Variants in STARD10 observed in about 807,000 individuals in gnomAD.
The protein encoded by STARD10 is StAR related lipid transfer domain containing 10, also known as START domain-containing protein 10.
STARD10 carries 24 observed loss-of-function variants against 36.0 expected under a neutral mutation model. That is an observed-to-expected ratio of 0.67 (90% CI 0.48 to 0.94). STARD10 has a LOEUF of 0.94. Ranked by LOEUF, STARD10 falls within the 40% of genes least tolerant of loss-of-function variation. STARD10 has a pLI of 0.00. For synonymous variants in STARD10, 156 were observed against 161.9 expected, an observed-to-expected ratio of 0.96 and a Z score of 0.28; for missense variants, 335 against 396.6, an observed-to-expected ratio of 0.84 and a Z score of 1.32.
In STARD10 at chr11:72,756,380, T is replaced by TTCAC. The variant is rs371400534; in HGVS notation, c.578-631_578-628dup. Among the ~76,000 whole-genome samples, 260 of 152,072 alleles carry TTCAC rather than the reference T, an allele frequency of 1.7e-3. 1 individual carries two copies. Among genetic ancestry groups the TTCAC allele is most frequent in the African/African-American group, 5.4e-3 (224 of 41,464 alleles). ...TCAAGGCTTCCCCATCCTCTAGTCA[T>TTCAC]TCACTCACTCACTCACTCACTCACT... On this transcript the variant is annotated intron_variant, in intron 5 of 6. Coordinates refer to ENST00000334805, the MANE Select transcript of STARD10 (RefSeq NM_006645.3).
At chr11:72,766,022 G>A (rs1035138752) in intron 2 of STARD10, 9 of 152,044 alleles carry the variant, frequency 5.9e-5, no homozygotes, top group African/African-American at 2.2e-4. Flanking sequence ...CAAATGTAGT[G>A]AGTGATCTCA....
In STARD10 at chr11:72,764,474, T is replaced by C. The variant is rs4944009; in HGVS notation, c.208-5093A>G. Among the ~76,000 whole-genome samples the C allele has an allele frequency of 6.1e-3, 923 of 152,130 alleles. 25 individuals are homozygous for C. Among genetic ancestry groups the C allele is most frequent in the East Asian group, 0.045 (235 of 5,174 alleles). ...TGGAGGAAGGCCTCTGCCCAGAGAG[T>C]AAGAACCTTTGCTGTGGCAGCGCAG... On this transcript the variant is annotated intron_variant, in intron 2 of 6. Coordinates refer to ENST00000334805, the MANE Select transcript of STARD10 (RefSeq NM_006645.3).
chr11:72,785,548 G>GA (rs1252101888), intron 1 of STARD10, among the ~76,000 whole-genome samples: 1 of 140,332 alleles, frequency 7.1e-6, no homozygotes, highest in Non-Finnish European at 1.5e-5. Flanking sequence ...GTGACAGGGC[G>GA]AGGCTCTGTC....
chr11:72,757,800 C>T lies in STARD10; in HGVS notation c.544G>A (p.Val182Ile), dbSNP rs578098555. 139 of 1,614,172 alleles carry T rather than the reference C, an allele frequency of 8.6e-5. 1 individual carries two copies. The South Asian group carries it at 1.2e-3, about 14-fold the overall frequency. Reference sequence around the variant, plus strand: ...TCCACCTGGGCCAGGTAGGTGATGACGCAGCTCTTGGGCCCTGTGCTCTGG... The same window carrying T: ...TCCACCTGGGCCAGGTAGGTGATGATGCAGCTCTTGGGCCCTGTGCTCTGG... ...LIQSTGPKSC[V>I]ITYLAQVDPK... is the part of the protein sequence containing the mutation. The change falls in exon 5 of 7, where the codon GTC becomes ATC. Residue 182 changes from valine (V) to isoleucine (I), a missense_variant. Transcript: ENST00000334805.
chr11:72,763,721 C>T (rs144609901), intron 2 of STARD10, among the ~76,000 whole-genome samples: 2 of 152,214 alleles, frequency 1.3e-5, no homozygotes, highest in East Asian at 3.9e-4. Context: ...GGGAGGAACG[C>T]GATGGTGAGA....
chr11:72,786,382 C>A (rs1258417275), intron 1 of STARD10, among the ~76,000 whole-genome samples: 1 of 152,022 alleles, frequency 6.6e-6, no homozygotes, highest in African/African-American at 2.4e-5. Flanking sequence ...AAAAAAGGTT[C>A]AGCACCAAGA....
rs554196958 is a variant in STARD10, at chr11:72,774,759, C to T, written c.207+6216G>A. Among the ~76,000 whole-genome samples the T allele has an allele frequency of 2.0e-5, 3 of 152,352 alleles. No individual in the cohort carries two copies. In the South Asian group the frequency reaches 6.2e-4, roughly 32 times the overall value. On this transcript the variant is annotated intron_variant, in intron 2 of 6. Coordinates refer to ENST00000334805, the MANE Select transcript of STARD10 (RefSeq NM_006645.3). ...GCTCCTCGGGAACAAACTGGAACAGCCCCGCAGAGGCCCCGGAGCCCCACA... is the reference window on the plus strand; with the variant it reads ...GCTCCTCGGGAACAAACTGGAACAGTCCCGCAGAGGCCCCGGAGCCCCACA...
chr11:72,793,951 C>A lies in STARD10; in HGVS notation c.-1190G>T, dbSNP rs1212587165. The A allele has an allele frequency of 1.3e-5, 2 of 152,240 alleles. No homozygotes were observed. The highest frequency in any genetic ancestry group is 4.8e-5 in the African/African-American group (2 of 41,462). 9.4% of individuals were successfully genotyped at this position (152,240 alleles called of 1,614,324 possible). A position where few individuals can be genotyped will look rare whatever the true frequency, so the allele number is the denominator to read the frequency against. On this transcript the variant is annotated 5_prime_UTR_variant, in exon 1 of 7. Transcript: ENST00000334805. ...TGAGGAGAGGCAGGAGAAAATACGGCGCGCTCGGCATCGTCCTTCTGACCG... is the reference window on the plus strand; with the variant it reads ...TGAGGAGAGGCAGGAGAAAATACGGAGCGCTCGGCATCGTCCTTCTGACCG...
intron 2 of STARD10, among the ~76,000 whole-genome samples, chr11:72,772,102 C>T (rs549140168): frequency 3.0e-4 from 46 of 152,362 alleles, no homozygotes; most frequent in African/African-American, 8.9e-4. Flanking sequence ...CCATGCTTAG[C>T]GCTGCCATAG....
In STARD10 at chr11:72,780,944, TG is replaced by T. The variant is rs1565243872; in HGVS notation, c.207+30del. The T allele has an allele frequency of 2.5e-6, 4 of 1,602,412 alleles. No homozygotes were observed. The South Asian group carries it at 4.4e-5, about 18-fold the overall frequency. On this transcript the variant is annotated intron_variant, in intron 2 of 6. Coordinates refer to ENST00000334805, the MANE Select transcript of STARD10 (RefSeq NM_006645.3). ...CGGGAGAGAGGCAGTAAGGGTGCAGTGGAGGCTGCAGGTATAGCGGGCAACC... is the reference window on the plus strand; with the variant it reads ...CGGGAGAGAGGCAGTAAGGGTGCAGTGAGGCTGCAGGTATAGCGGGCAACC...
At chr11:72,763,243 A>G (rs1858744439) in intron 2 of STARD10, among the ~76,000 whole-genome samples, 1 of 152,256 alleles carries the variant, frequency 6.6e-6, no homozygotes, top group Non-Finnish European at 1.5e-5. Context: ...TCCATCGAAT[A>G]AAATAGGAAA....
chr11:72,783,019 A>G (rs953215305), intron 1 of STARD10, among the ~76,000 whole-genome samples: 1 of 152,200 alleles, frequency 6.6e-6, no homozygotes, highest in Non-Finnish European at 1.5e-5. Context: ...AAAGGGAATC[A>G]GAATGGATAA....
chr11:72,765,666 C>T (rs999373412), intron 2 of STARD10, among the ~76,000 whole-genome samples: 3 of 152,052 alleles, frequency 2.0e-5, no homozygotes, highest in South Asian at 2.1e-4. Context: ...ATATGCCTAG[C>T]GCGTAGTAAA....
intron 2 of STARD10, chr11:72,780,625 A>T (rs1377735430): frequency 4.1e-5 from 16 of 389,518 alleles, no homozygotes; most frequent in Non-Finnish European, 6.9e-5. Context: ...GAGTAACTCA[A>T]GTCAGGAACC....
At chr11:72,770,610 T>C (rs192582846) in intron 2 of STARD10, among the ~76,000 whole-genome samples, 145 of 152,292 alleles carry the variant, frequency 9.5e-4, no homozygotes, top group Admixed American at 6.1e-3. Flanking sequence ...AGTTGGGGCC[T>C]GAGACTACCC....
rs1484595983 is a variant in STARD10, at chr11:72,781,385, T to G, written c.-113-91A>C. On this transcript the variant is annotated intron_variant, in intron 1 of 6. Transcript: ENST00000334805. The surrounding 1 kb of genome is among the most constrained non-coding windows in gnomAD (Gnocchi z 4.7). ...TGGCGGGTGGGGAGCTGGAGAGAGG[T>G]AGGGGCTGGCCCCAGGGAAGGGCGG... 1 of 583,778 alleles carries G rather than the reference T, an allele frequency of 1.7e-6. No individual in the cohort carries two copies. The highest frequency in any genetic ancestry group is 3.1e-6 in the Non-Finnish European group (1 of 327,508). 36.2% of individuals were successfully genotyped at this position (583,778 alleles called of 1,614,324 possible).
chr11:72,755,083 C>T lies in STARD10; in HGVS notation c.690G>A (p.Leu230=), dbSNP rs1292105603. The T allele has an allele frequency of 1.2e-6, 2 of 1,613,400 alleles. No individual in the cohort carries two copies. The highest frequency in any genetic ancestry group is 1.7e-6 in the Non-Finnish European group (2 of 1,179,770). Residue 230 remains leucine, a synonymous_variant, in exon 7 of 7, where the codon CTG becomes CTA. Coordinates refer to ENST00000334805, the MANE Select transcript of STARD10 (RefSeq NM_006645.3). ...LKYPEWKQKH[L]PHFKPWLHPE... ...GGTGCAGCCACGGCTTGAAGTGAGG[C>T]AGGTGCTTCTGTTTCCACTCGGGGT...
chr11:72,755,156 G>A lies in STARD10; in HGVS notation c.631-14C>T, dbSNP rs1381272143. On this transcript the variant is annotated splice_polypyrimidine_tract_variant and intron_variant, in intron 6 of 6. Transcript: ENST00000334805. ...CTTCTTCATGGCCTGTGGGCCCGCC[G>A]CCCCGCCGGGTCAGGGGGTGGCTAG... 9 of 1,604,366 alleles carry A rather than the reference G, an allele frequency of 5.6e-6. No homozygotes were observed. Among genetic ancestry groups the A allele is most frequent in the South Asian group, 3.3e-5 (3 of 90,162 alleles).
chr11:72,758,116 G>A (rs928129196), intron 4 of STARD10, among the ~76,000 whole-genome samples: 1 of 152,160 alleles, frequency 6.6e-6, no homozygotes, highest in Non-Finnish European at 1.5e-5. Context: ...CCCAGTCTGG[G>A]GTCAGGGCTC....
Sources: gnomAD v4.1 joint callset for allele counts (sites outside exome capture counted in the v4.1 genomes callset) on GRCh38, gnomAD v4.1.1 for gene constraint, Gnocchi (gnomAD v3.1) non-coding constraint, MANE v1.5 for transcripts, NCBI Gene and HGNC (gene_info 2026-07-23, HGNC 2026-07-21) for gene names.